Variants in CAMK2D observed in about 807,000 individuals in gnomAD.
CAMK2D encodes the protein calcium/calmodulin-dependent protein kinase type II subunit delta.
In CAMK2D, 37 loss-of-function variants were observed where a neutral mutation model predicts 84.0. The ratio of observed to expected loss-of-function variants is 0.44; its 90% CI spans 0.34 to 0.58. The LOEUF is 0.58. Among genes scored for constraint, CAMK2D ranks in the 20% least tolerant of loss-of-function variants. The pLI is 0.02. For synonymous variants in CAMK2D, 202 were observed against 212.5 expected, an observed-to-expected ratio of 0.95 and a Z score of 0.43; for missense variants, 448 against 652.5, an observed-to-expected ratio of 0.69 and a Z score of 3.41.
chr4:113,744,963 T>G (rs918597106), intron 2 of CAMK2D, among the ~76,000 whole-genome samples: 1 of 152,224 alleles, frequency 6.6e-6, no homozygotes, highest in African/African-American at 2.4e-5. Flanking sequence ...TTCTCACTTC[T>G]CAACTAGTTA....
chr4:113,495,633 G>A (rs2097917918), intron 16 of CAMK2D, among the ~76,000 whole-genome samples: 2 of 152,136 alleles, frequency 1.3e-5, no homozygotes, highest in South Asian at 2.1e-4. Context: ...CACCATTCAA[G>A]TAATAAGGGT....
intron 2 of CAMK2D, among the ~76,000 whole-genome samples, chr4:113,713,283 A>C (rs1014456375): frequency 1.3e-5 from 2 of 151,698 alleles, no homozygotes; most frequent in African/African-American, 4.8e-5. Flanking sequence ...GAAAATTGTC[A>C]ATTTTTCTAG....
At chr4:113,513,750 T>TA (rs1183148912) in intron 11 of CAMK2D, 80 bp downstream of exon 11, 1 of 685,758 alleles carries the variant, frequency 1.5e-6, no homozygotes, top group African/African-American at 1.8e-5. Flanking sequence ...AAGCCTTTGC[T>TA]AGAAGTTATT....
At chr4:113,721,518 C>T (rs900863878) in intron 2 of CAMK2D, among the ~76,000 whole-genome samples, 5 of 152,178 alleles carry the variant, frequency 3.3e-5, no homozygotes, top group African/African-American at 9.7e-5. Context: ...TCCAGACCCT[C>T]GTTTCCTAAG....
At chr4:113,746,181 C>T (rs1439995532) in intron 2 of CAMK2D, among the ~76,000 whole-genome samples, 1 of 152,164 alleles carries the variant, frequency 6.6e-6, no homozygotes, top group East Asian at 1.9e-4. Flanking sequence ...AAATTATCTG[C>T]TCAAAGCTAA....
intron 3 of CAMK2D, among the ~76,000 whole-genome samples, chr4:113,634,393 T>C (rs2099101998): frequency 6.6e-6 from 1 of 152,164 alleles, no homozygotes; most frequent in African/African-American, 2.4e-5. Flanking sequence ...ATTGGGCAAT[T>C]AATACTGACC....
At position 113,455,805 on chromosome 4, in the gene CAMK2D, T is replaced by TTGG; in HGVS notation, c.1549_1551dup (p.Pro517dup). On this transcript the variant is annotated inframe_insertion, in exon 20 of 21. Transcript: ENST00000511664. Reference sequence around the variant, plus strand: ...CCTCCTGAGAAGTTTTCTTTCCCATTTGGAATACAGGGTGGCCTATTAAGA... The same window carrying TTGG: ...CCTCCTGAGAAGTTTTCTTTCCCATTTGGTGGAATACAGGGTGGCCTATTAAGA... 1 of 1,610,778 alleles carries TTGG rather than the reference T, an allele frequency of 6.2e-7. No individual in the cohort carries two copies. Among genetic ancestry groups the TTGG allele is most frequent in the Non-Finnish European group, 8.5e-7 (1 of 1,177,286 alleles).
chr4:113,457,590 A>C, intron 18 of CAMK2D, 27 bp from the exon 19 acceptor site: 2 of 1,601,300 alleles, frequency 1.2e-6, no homozygotes, highest in Non-Finnish European at 1.7e-6. Context: ...TGAAAAGCAA[A>C]ATTTAGTTTC....
intron 2 of CAMK2D, among the ~76,000 whole-genome samples, chr4:113,729,853 T>A (rs931335165): frequency 3.3e-5 from 5 of 152,098 alleles, no homozygotes; most frequent in Non-Finnish European, 5.9e-5. Context: ...AGAAAAGGTA[T>A]CTATCTATGA....
chr4:113,495,532 ATATT>A (rs1354740759), intron 16 of CAMK2D, among the ~76,000 whole-genome samples: 3 of 152,200 alleles, frequency 2.0e-5, no homozygotes, highest in Non-Finnish European at 4.4e-5. Flanking sequence ...ACTAATGTAC[ATATT>A]TATAGAAGAC....
At chr4:113,479,147 C>T (rs563342335) in intron 16 of CAMK2D, among the ~76,000 whole-genome samples, 4 of 152,258 alleles carry the variant, frequency 2.6e-5, no homozygotes, top group African/African-American at 9.6e-5. Flanking sequence ...AAACACTGAA[C>T]CGGGTAATCA....
chr4:113,574,479 A>G (rs1264093295), intron 4 of CAMK2D, among the ~76,000 whole-genome samples: 1 of 152,212 alleles, frequency 6.6e-6, no homozygotes, highest in Admixed American at 6.5e-5. Context: ...TTCCAAGGTC[A>G]TCAGTCACGA....
chr4:113,740,184 C>A (rs1363261294), intron 2 of CAMK2D, among the ~76,000 whole-genome samples: 2 of 152,020 alleles, frequency 1.3e-5, no homozygotes, highest in African/African-American at 4.8e-5. Context: ...AAACTTACGT[C>A]TACACAAAAA....
intron 4 of CAMK2D, among the ~76,000 whole-genome samples, chr4:113,578,797 T>C (rs1185927660): frequency 6.6e-6 from 1 of 152,022 alleles, no homozygotes; most frequent in Non-Finnish European, 1.5e-5. Flanking sequence ...AGGTTAAGAG[T>C]AAAAAAATCC....
intron 2 of CAMK2D, among the ~76,000 whole-genome samples, chr4:113,690,609 A>T (rs575837602): frequency 6.6e-6 from 1 of 152,274 alleles, no homozygotes; most frequent in East Asian, 1.9e-4. Flanking sequence ...TGTCTATATT[A>T]TTGCACATTT....
intron 14 of CAMK2D, among the ~76,000 whole-genome samples, 193 bp downstream of exon 14, chr4:113,504,780 AACT>A: frequency 1.3e-5 from 2 of 151,682 alleles, no homozygotes; most frequent in African/African-American, 2.4e-5. Flanking sequence ...CTTGACAACT[AACT>A]TAACCAAAAA....
At chr4:113,694,943 A>G (rs1228143217) in intron 2 of CAMK2D, among the ~76,000 whole-genome samples, 2 of 152,226 alleles carry the variant, frequency 1.3e-5, no homozygotes, top group Non-Finnish European at 2.9e-5. Context: ...AGATTGATTC[A>G]TGAATTATTA....
intron 13 of CAMK2D, 87 bp from the exon 14 acceptor site, chr4:113,505,122 G>A: frequency 3.1e-6 from 2 of 646,420 alleles, no homozygotes; most frequent in Non-Finnish European, 5.0e-6. Context: ...ACATAGAGAT[G>A]TAGACATGAA....
chr4:113,693,226 G>A lies in CAMK2D; in HGVS notation c.161-31454C>T, dbSNP rs558795366. 1.4e-4 allele frequency among the ~76,000 whole-genome samples: 21 copies of A among 152,110 alleles called. 2 individuals carry two copies. Among genetic ancestry groups the A allele is most frequent in the Admixed American group, 5.2e-4 (8 of 15,270 alleles). ...GTCCTGGCCTGTGTGGTTTCATTAC[G>A]TTGTCAGAACCAACATTTGTACAGT... On this transcript the variant is annotated intron_variant, in intron 2 of 20. Transcript: ENST00000511664.
Sources: gnomAD v4.1 joint callset for allele counts (sites outside exome capture counted in the v4.1 genomes callset) on GRCh38, gnomAD v4.1.1 for gene constraint, MANE v1.5 for transcripts, NCBI Gene and HGNC (gene_info 2026-07-23, HGNC 2026-07-21) for gene names.